The following ASIC2 variants were observed in gnomAD, a reference collection of about 807,000 sequenced individuals.
ASIC2 encodes acid-sensing ion channel 2.
Under a neutral mutation model 57.3 loss-of-function variants are expected in ASIC2, and 25 were observed. The ratio of observed to expected loss-of-function variants is 0.44; its 90% CI spans 0.32 to 0.61. ASIC2 has a LOEUF of 0.61. ASIC2 is among the 20% of genes least tolerant of loss of function. The pLI is 0.06. For synonymous variants in ASIC2, 319 were observed against 307.5 expected, an observed-to-expected ratio of 1.04 and a Z score of -0.39; for missense variants, 641 against 738.1, an observed-to-expected ratio of 0.87 and a Z score of 1.52.
chr17:34,109,964 AAGAG>A (rs1012780679), intron 1 of ASIC2, among the ~76,000 whole-genome samples: 3 of 150,922 alleles, frequency 2.0e-5, no homozygotes, highest in South Asian at 2.1e-4. Flanking sequence ...GTGAGAGAGA[AAGAG>A]AGAGAGAGAG....
At chr17:33,326,751 T>C (rs2142221198) in intron 1 of ASIC2, among the ~76,000 whole-genome samples, 1 of 152,328 alleles carries the variant, frequency 6.6e-6, no homozygotes, top group South Asian at 2.1e-4. Context: ...TTTAGCACAG[T>C]TTTCTCTGTC....
chr17:33,159,944 C>T (rs1905115163), intron 1 of ASIC2, among the ~76,000 whole-genome samples: 1 of 152,136 alleles, frequency 6.6e-6, no homozygotes, highest in Non-Finnish European at 1.5e-5. Context: ...TGCAGTGACT[C>T]ATGCCTGTAA....
At chr17:33,695,031 T>C (rs1908484068) in intron 1 of ASIC2, among the ~76,000 whole-genome samples, 1 of 152,232 alleles carries the variant, frequency 6.6e-6, no homozygotes, top group South Asian at 2.1e-4. Flanking sequence ...TTTTTAAAGG[T>C]AGCTATTAAC....
At chr17:34,108,736 C>G (rs1409900134) in intron 1 of ASIC2, among the ~76,000 whole-genome samples, 1 of 152,070 alleles carries the variant, frequency 6.6e-6, no homozygotes, top group Non-Finnish European at 1.5e-5. Flanking sequence ...TTAAAATCAA[C>G]TCTAATAGCA....
intron 1 of ASIC2, among the ~76,000 whole-genome samples, chr17:34,030,909 T>C (rs536090462): frequency 6.6e-6 from 1 of 152,374 alleles, no homozygotes; most frequent in South Asian, 2.1e-4. Context: ...GAGGCCTGCC[T>C]GCCTCTGTAG....
chr17:34,095,531 T>C (rs1910485779), intron 1 of ASIC2, among the ~76,000 whole-genome samples: 1 of 150,690 alleles, frequency 6.6e-6, no homozygotes, highest in Non-Finnish European at 1.5e-5. Context: ...TTTTCCATGA[T>C]GCTTTATTTT....
In ASIC2 at chr17:33,802,807, T is replaced by G. The variant is rs148308203; in HGVS notation, c.555+353171A>C. Among the ~76,000 whole-genome samples the G allele has an allele frequency of 1.4e-4, 21 of 152,372 alleles. No homozygotes were observed. In the East Asian group the frequency reaches 4.1e-3, roughly 29 times the overall value. ...CTGACTCTTCAGCTTCTCTGCTCAT[T>G]GCTCCTGCCAACCTTCCCTCTTGTG... On this transcript the variant is annotated intron_variant, in intron 1 of 9. Coordinates refer to the ASIC2 transcript ENST00000359872.
intron 1 of ASIC2, among the ~76,000 whole-genome samples, chr17:33,911,938 C>T (rs747745622): frequency 3.9e-5 from 6 of 151,976 alleles, no homozygotes; most frequent in African/African-American, 7.2e-5. Flanking sequence ...GTCGGGAGTT[C>T]GAGACCAGCC....
intron 1 of ASIC2, chr17:33,112,631 A>G (rs1286671640): frequency 1.3e-5 from 2 of 152,096 alleles, no homozygotes; most frequent in Non-Finnish European, 1.5e-5. Flanking sequence ...GTTGCTGCCC[A>G]CTCCTGACCC....
intron 1 of ASIC2, among the ~76,000 whole-genome samples, chr17:33,697,510 T>G (rs1567691733): frequency 6.6e-6 from 1 of 152,230 alleles, no homozygotes; most frequent in Non-Finnish European, 1.5e-5. Context: ...GGGCAGAAAG[T>G]ACCATAAGAA....
intron 1 of ASIC2, among the ~76,000 whole-genome samples, chr17:33,574,325 C>T (rs1407314530): frequency 6.6e-6 from 1 of 152,146 alleles, no homozygotes; most frequent in Non-Finnish European, 1.5e-5. Context: ...TGCCTATTGA[C>T]CATTTCTGCT....
chr17:33,021,920 C>T (rs1470837940), intron 6 of ASIC2, among the ~76,000 whole-genome samples: 8 of 152,158 alleles, frequency 5.3e-5, no homozygotes, highest in South Asian at 4.1e-4. Context: ...AGACACATCT[C>T]GGCAGTAAAA....
At chr17:34,020,122 C>T (rs778554350) in intron 1 of ASIC2, among the ~76,000 whole-genome samples, 4 of 152,310 alleles carry the variant, frequency 2.6e-5, no homozygotes, top group Admixed American at 6.5e-5. Context: ...ATTGTGGCTA[C>T]ATTTAATCTA....
At chr17:33,075,864 G>A (rs1218021864) in intron 3 of ASIC2, among the ~76,000 whole-genome samples, 1 of 152,192 alleles carries the variant, frequency 6.6e-6, no homozygotes, top group Non-Finnish European at 1.5e-5. Flanking sequence ...TCCTAAAACT[G>A]AGAGCAGGAC....
chr17:34,029,860 G>C lies in ASIC2; in HGVS notation c.555+126118C>G, dbSNP rs137932155. On this transcript the variant is annotated intron_variant, in intron 1 of 9. Transcript: ENST00000359872. ...ATGGTATTTTGTGATGGCAGCCTGAGCAGACTGAGACACCCCACAAAATAG... is the reference window on the plus strand; with the variant it reads ...ATGGTATTTTGTGATGGCAGCCTGACCAGACTGAGACACCCCACAAAATAG... 6.2e-3 allele frequency among the ~76,000 whole-genome samples: 939 copies of C among 152,254 alleles called. 13 individuals are homozygous for C. The highest frequency in any genetic ancestry group is 0.021 in the African/African-American group (877 of 41,536).
chr17:33,482,942 C>T (rs1913454768), intron 1 of ASIC2, among the ~76,000 whole-genome samples: 1 of 152,186 alleles, frequency 6.6e-6, no homozygotes, highest in Non-Finnish European at 1.5e-5. Context: ...GACTCCATTT[C>T]CCCAGTGAAT....
chr17:33,168,359 G>A (rs2142046079), intron 1 of ASIC2, among the ~76,000 whole-genome samples: 1 of 152,306 alleles, frequency 6.6e-6, no homozygotes, highest in Admixed American at 6.5e-5. Flanking sequence ...ATTTGGAAAA[G>A]CAGGCAGAAA....
chr17:33,584,798 G>A (rs1904562399), intron 1 of ASIC2, among the ~76,000 whole-genome samples: 2 of 152,246 alleles, frequency 1.3e-5, no homozygotes, highest in Non-Finnish European at 2.9e-5. Flanking sequence ...GGATTCGGAA[G>A]CCTGAGAGTG....
intron 1 of ASIC2, among the ~76,000 whole-genome samples, chr17:33,308,076 A>T (rs558774056): frequency 1.6e-4 from 25 of 152,322 alleles, no homozygotes; most frequent in African/African-American, 5.0e-4. Context: ...TATGTTCTAA[A>T]TACCTCAAAC....
Sources: allele counts gnomAD v4.1 joint callset (sites outside exome capture counted in the v4.1 genomes callset), GRCh38; gene constraint gnomAD v4.1.1; transcripts MANE v1.5; gene names NCBI Gene and HGNC (gene_info 2026-07-23, HGNC 2026-07-21).